Variants in ENTHD1 observed in about 807,000 individuals in gnomAD.
ENTHD1 encodes ENTH domain containing 1.
In ENTHD1, 23 loss-of-function variants were observed where a neutral mutation model predicts 39.1. The observed-to-expected ratio is 0.59, with a 90% CI of 0.42 to 0.83. ENTHD1 has a LOEUF of 0.83. Among genes scored for constraint, ENTHD1 ranks in the 40% least tolerant of loss-of-function variants. ENTHD1 has a pLI of 0.00. For synonymous variants in ENTHD1, 230 were observed against 258.2 expected, an observed-to-expected ratio of 0.89 and a Z score of 1.05; for missense variants, 624 against 705.4, an observed-to-expected ratio of 0.88 and a Z score of 1.31.
chr22:39,819,804 G>A (rs1051192056), intron 5 of ENTHD1, among the ~76,000 whole-genome samples: 1 of 152,182 alleles, frequency 6.6e-6, no homozygotes, highest in African/African-American at 2.4e-5. Context: ...GTGTGGAACA[G>A]GGGTACGTGG....
chr22:39,892,595 T>A (rs904953131), intron 1 of ENTHD1, among the ~76,000 whole-genome samples: 3 of 152,262 alleles, frequency 2.0e-5, no homozygotes, highest in African/African-American at 7.2e-5. Flanking sequence ...GAAAAGTTGA[T>A]TTCCAAAAGT....
At chr22:39,879,668 TG>T (rs1270488930) in intron 2 of ENTHD1, among the ~76,000 whole-genome samples, 10 of 152,102 alleles carry the variant, frequency 6.6e-5, no homozygotes, top group Non-Finnish European at 1.3e-4. Flanking sequence ...CTCTCATTAT[TG>T]CTGGTGGGAA....
chr22:39,887,045 T>C lies in ENTHD1; in HGVS notation c.349+355A>G, dbSNP rs557221808. Among the ~76,000 whole-genome samples the C allele has an allele frequency of 2.0e-4, 30 of 152,224 alleles. No individual in the cohort carries two copies. In the South Asian group the frequency reaches 6.2e-3, roughly 32 times the overall value. On this transcript the variant is annotated intron_variant, in intron 2 of 6. Coordinates refer to ENST00000325157, the MANE Select transcript of ENTHD1 (RefSeq NM_152512.4). The stretch of plus-strand genomic sequence containing the variant: ...TTTCCTTTTGAAAAAAGTATTGTTC[T>C]CTAAGGCACTGAAGACTCAATACAG...
intron 6 of ENTHD1, among the ~76,000 whole-genome samples, chr22:39,764,832 A>T (rs1006058797): frequency 1.3e-5 from 2 of 151,838 alleles, no homozygotes; most frequent in Non-Finnish European, 2.9e-5. Context: ...ACCCGTGTGT[A>T]TGTGGGGGTG....
chr22:39,798,528 T>C (rs916705493), intron 5 of ENTHD1, among the ~76,000 whole-genome samples: 6 of 152,110 alleles, frequency 3.9e-5, no homozygotes, highest in African/African-American at 1.4e-4. Context: ...TGTCTGTGAT[T>C]TCCTCAGTGG....
intron 3 of ENTHD1, among the ~76,000 whole-genome samples, chr22:39,854,135 G>C (rs2066065974): frequency 6.6e-6 from 1 of 152,186 alleles, no homozygotes. Flanking sequence ...ACATCCTTGG[G>C]AAGTGGGAGA....
chr22:39,817,526 T>C (rs2065742883), intron 5 of ENTHD1, among the ~76,000 whole-genome samples: 1 of 152,172 alleles, frequency 6.6e-6, no homozygotes. Context: ...AAGGTACACG[T>C]ATGTATGTAA....
chr22:39,880,580 G>A (rs572379250), intron 2 of ENTHD1, among the ~76,000 whole-genome samples: 160 of 152,212 alleles, frequency 1.1e-3, no homozygotes, highest in Non-Finnish European at 1.6e-3. Context: ...TACAGGGGAA[G>A]AGGGTATTTG....
chr22:39,822,391 C>T (rs2065790301), intron 4 of ENTHD1, among the ~76,000 whole-genome samples: 1 of 152,172 alleles, frequency 6.6e-6, no homozygotes, highest in Non-Finnish European at 1.5e-5. Context: ...TGCATCATGA[C>T]CACTATTCTA....
chr22:39,846,170 C>T (rs1246645091), intron 3 of ENTHD1, among the ~76,000 whole-genome samples: 22 of 152,118 alleles, frequency 1.4e-4, no homozygotes, highest in Non-Finnish European at 2.9e-5. Flanking sequence ...AATGCCAGAC[C>T]TGAATCTGTA....
chr22:39,877,151 C>G (rs1363875535), intron 2 of ENTHD1, among the ~76,000 whole-genome samples: 3 of 152,150 alleles, frequency 2.0e-5, no homozygotes, highest in East Asian at 1.9e-4. Flanking sequence ...TGTAATGGGT[C>G]TTAACCTAAG....
Position 39,743,763 on chromosome 22 carries a change from C to G in ENTHD1, c.1740G>C (p.Leu580Phe). 6.2e-7 allele frequency: 1 copy of G among 1,614,114 alleles called. No individual in the cohort carries two copies. The highest frequency in any genetic ancestry group is 8.5e-7 in the Non-Finnish European group (1 of 1,180,002). Residue 580 changes from leucine to phenylalanine, a missense_variant, in exon 7 of 7, where the codon TTG becomes TTC. Transcript: ENST00000325157. ...IQELNVINNILMSMSLNSSQI... is the reference protein window; with the variant it reads ...IQELNVINNIFMSMSLNSSQI... ...GTGAACTATTCAGACTCATGCTCAT[C>G]AAGATGTTATTGATGACATTAAGTT...
At chr22:39,841,871 G>A (rs999832855) in intron 3 of ENTHD1, among the ~76,000 whole-genome samples, 1 of 152,134 alleles carries the variant, frequency 6.6e-6, no homozygotes, top group Non-Finnish European at 1.5e-5. Flanking sequence ...GCAGCGGCTG[G>A]TACTGGTTGT....
At position 39,842,376 on chromosome 22, in the gene ENTHD1, A is replaced by G. The variant is rs1601633576; in HGVS notation, c.593-6418T>C. Among the ~76,000 whole-genome samples, 6 of 151,992 alleles carry G rather than the reference A, an allele frequency of 3.9e-5. No homozygotes were observed. The East Asian group carries it at 7.7e-4, about 20-fold the overall frequency. ...CTCCCCGTCACTTTCAGGTACACCA[A>G]TCAGACGTAGATTTGGTCTTTTCAC... On this transcript the variant is annotated intron_variant, in intron 3 of 6. Transcript: ENST00000325157.
At chr22:39,819,594 G>A (rs2065763651) in intron 5 of ENTHD1, among the ~76,000 whole-genome samples, 2 of 152,116 alleles carry the variant, frequency 1.3e-5, no homozygotes, top group Non-Finnish European at 2.9e-5. Flanking sequence ...TAGTGGGAGG[G>A]AGGGATGAAT....
intron 4 of ENTHD1, among the ~76,000 whole-genome samples, chr22:39,829,468 G>GA: frequency 6.6e-6 from 1 of 151,944 alleles, no homozygotes; most frequent in East Asian, 1.9e-4. Flanking sequence ...GCCATCAGCA[G>GA]AAAATAGGCT....
intron 2 of ENTHD1, among the ~76,000 whole-genome samples, chr22:39,882,822 G>A (rs1018359432): frequency 6.6e-6 from 1 of 151,912 alleles, no homozygotes; most frequent in Non-Finnish European, 1.5e-5. Context: ...GCCCAAGATG[G>A]TGAAACCCTG....
intron 3 of ENTHD1, among the ~76,000 whole-genome samples, chr22:39,844,984 G>T (rs145327120): frequency 1.3e-5 from 2 of 151,360 alleles, no homozygotes; most frequent in Non-Finnish European, 1.5e-5. Flanking sequence ...GCAGGACCTC[G>T]TATAAGAGAC....
intron 2 of ENTHD1, among the ~76,000 whole-genome samples, chr22:39,872,506 T>G (rs999427717): frequency 2.0e-5 from 3 of 152,172 alleles, no homozygotes; most frequent in Non-Finnish European, 2.9e-5. Context: ...CTCCCCCCAC[T>G]GCCCAACAAA....
Sources: allele counts gnomAD v4.1 joint callset (sites outside exome capture counted in the v4.1 genomes callset), GRCh38; gene constraint gnomAD v4.1.1; transcripts MANE v1.5; gene names NCBI Gene and HGNC (gene_info 2026-07-23, HGNC 2026-07-21).